SLC35D4: variants seen among roughly 807,000 people sequenced by gnomAD.
The protein encoded by SLC35D4 is solute carrier family 35 member D4, also known as UDP-N-acetylglucosamine transporter SLC35D4.
chr18:23,283,919 AC>A, the SLC35D4 span, among the ~76,000 whole-genome samples: 4 of 152,240 alleles, frequency 2.6e-5, no homozygotes, highest in Non-Finnish European at 5.9e-5. Flanking sequence ...TATATGCTAA[AC>A]AAAAGGTGGA....
chr18:23,319,244 C>CTTTATTTATTTA, the SLC35D4 span, among the ~76,000 whole-genome samples: 104 of 147,406 alleles, frequency 7.1e-4, no homozygotes, highest in African/African-American at 2.2e-3. Flanking sequence ...TATTTCAGTG[C>CTTTATTTATTTA]TTTATTTATT....
chr18:23,290,557 T>A, the SLC35D4 span, among the ~76,000 whole-genome samples: 9 of 152,148 alleles, frequency 5.9e-5, no homozygotes, highest in African/African-American at 2.2e-4. Context: ...TTCCATCAGC[T>A]CCTCAGGAGA....
the SLC35D4 span, chr18:23,257,320 G>A: frequency 1.4e-5 from 22 of 1,613,732 alleles, no homozygotes; most frequent in African/African-American, 8.0e-5. Context: ...CCACTTGCCC[G>A]AGCACGAAGT....
chr18:23,340,276 A>G, the SLC35D4 span, among the ~76,000 whole-genome samples: 1 of 152,088 alleles, frequency 6.6e-6, no homozygotes, highest in Non-Finnish European at 1.5e-5. Context: ...GTTTGAGGAT[A>G]CAGTTGCATG....
the SLC35D4 span, among the ~76,000 whole-genome samples, chr18:23,398,354 A>G: frequency 6.6e-6 from 1 of 152,242 alleles, no homozygotes; most frequent in Non-Finnish European, 1.5e-5. Context: ...GAGCCTAGAA[A>G]AAAATTTAAA....
the SLC35D4 span, among the ~76,000 whole-genome samples, chr18:23,357,622 C>T: frequency 1.3e-5 from 2 of 152,128 alleles, no homozygotes; most frequent in Non-Finnish European, 2.9e-5. Flanking sequence ...ATTAAGTGTA[C>T]AGTGGAACAC....
chr18:23,252,770 T>C, the SLC35D4 span, among the ~76,000 whole-genome samples: 1 of 152,190 alleles, frequency 6.6e-6, no homozygotes, highest in African/African-American at 2.4e-5. Context: ...GTGACTTGTT[T>C]TCCGTTCGCC....
chr18:23,392,569 G>A, the SLC35D4 span, among the ~76,000 whole-genome samples: 2 of 152,128 alleles, frequency 1.3e-5, no homozygotes, highest in African/African-American at 4.8e-5. Flanking sequence ...TGGTGTGTAA[G>A]GGCCTCAACA....
chr18:23,309,545 A>C, the SLC35D4 span: 15 of 724,148 alleles, frequency 2.1e-5, 1 homozygote, highest in South Asian at 2.7e-4. Flanking sequence ...AGCTTCGCTA[A>C]TATGAGATTT....
chr18:23,253,677 C>T, the SLC35D4 span: 1 of 1,499,336 alleles, frequency 6.7e-7, no homozygotes, highest in African/African-American at 1.4e-5. Flanking sequence ...TTTCTGTCCA[C>T]TGAAACTCTA....
At chr18:23,357,864 TC>T in the SLC35D4 span, among the ~76,000 whole-genome samples, 2 of 152,230 alleles carry the variant, frequency 1.3e-5, no homozygotes, top group African/African-American at 4.8e-5. Context: ...GGAAGGGATT[TC>T]TTGGGATCTG....
chr18:23,358,488 C>T, the SLC35D4 span, among the ~76,000 whole-genome samples: 32 of 152,060 alleles, frequency 2.1e-4, no homozygotes, highest in Non-Finnish European at 3.1e-4. Flanking sequence ...TCATAACCCC[C>T]ACCCAAATCC....
the SLC35D4 span, among the ~76,000 whole-genome samples, chr18:23,347,295 T>C: frequency 6.6e-6 from 1 of 152,218 alleles, no homozygotes; most frequent in Non-Finnish European, 1.5e-5. Context: ...TAATTTTCTG[T>C]CATAAAGTTA....
chr18:23,332,728 C>T, the SLC35D4 span, among the ~76,000 whole-genome samples: 2 of 151,442 alleles, frequency 1.3e-5, no homozygotes, highest in Non-Finnish European at 2.9e-5. Context: ...TGTATCAGGT[C>T]CGCTGAGATA....
chr18:23,280,493 G>A, the SLC35D4 span, among the ~76,000 whole-genome samples: 1 of 152,212 alleles, frequency 6.6e-6, no homozygotes, highest in African/African-American at 2.4e-5. Context: ...TGCCAGGAGA[G>A]AACGCTTCCC....
chr18:23,430,745 G>T, the SLC35D4 span: 1 of 1,409,710 alleles, frequency 7.1e-7, no homozygotes, highest in South Asian at 1.2e-5. Flanking sequence ...TATAATCAAA[G>T]ACATTTCTAT....
chr18:23,265,326 G>T, the SLC35D4 span, among the ~76,000 whole-genome samples: 2 of 152,072 alleles, frequency 1.3e-5, no homozygotes, highest in African/African-American at 4.8e-5. Context: ...CCCCTTCTTG[G>T]ACAGTTCCTT....
chr18:23,364,695 G>C, the SLC35D4 span, among the ~76,000 whole-genome samples: 1 of 152,028 alleles, frequency 6.6e-6, no homozygotes, highest in East Asian at 1.9e-4. Flanking sequence ...ATGAGGTCAG[G>C]AGATCGAGAC....
the SLC35D4 span, among the ~76,000 whole-genome samples, chr18:23,256,463 G>A: frequency 3.9e-5 from 6 of 152,114 alleles, no homozygotes; most frequent in Admixed American, 6.5e-5. Context: ...TTTTATTGTC[G>A]TGCGTGGTTT....
Sources: gnomAD v4.1 joint callset for allele counts (sites outside exome capture counted in the v4.1 genomes callset) on GRCh38, gnomAD v4.1.1 for gene constraint, MANE v1.5 for transcripts, NCBI Gene and HGNC (gene_info 2026-07-23, HGNC 2026-07-21) for gene names.